Variants in NEGR1 observed in about 807,000 individuals in gnomAD.
The protein encoded by NEGR1 is neuronal growth regulator 1.
NEGR1 carries 10 observed loss-of-function variants against 40.9 expected under a neutral mutation model. That is an observed-to-expected ratio of 0.24 (90% confidence interval 0.15 to 0.42). NEGR1 has a LOEUF of 0.42. Among genes scored for constraint, NEGR1 ranks in the 10% least tolerant of loss-of-function variants. The pLI is 1.00. For synonymous variants in NEGR1, 185 were observed against 166.8 expected (o/e 1.11, Z -0.84); for missense variants, 352 against 438.9 (o/e 0.80, Z 1.77).
At chr1:71,813,661 C>T (rs1015684163) in intron 2 of NEGR1, among the ~76,000 whole-genome samples, 6 of 151,948 alleles carry the variant, frequency 3.9e-5, no homozygotes, top group Non-Finnish European at 1.5e-5. Context: ...CTCTTATTAG[C>T]TGTATTGCTA....
At chr1:71,490,710 A>G (rs2101384706) in intron 6 of NEGR1, among the ~76,000 whole-genome samples, 1 of 152,108 alleles carries the variant, frequency 6.6e-6, no homozygotes, top group South Asian at 2.1e-4. Context: ...GATGAAACGA[A>G]ACACAGAAGA....
At chr1:71,601,995 A>G (rs868652619) in intron 5 of NEGR1, among the ~76,000 whole-genome samples, 16 of 152,092 alleles carry the variant, frequency 1.1e-4, no homozygotes, top group African/African-American at 3.9e-4. Context: ...ACTGCTACAC[A>G]CAAAAAAGGG....
intron 2 of NEGR1, among the ~76,000 whole-genome samples, chr1:71,865,518 A>G (rs1220218824): frequency 1.3e-5 from 2 of 152,134 alleles, no homozygotes; most frequent in East Asian, 3.9e-4. Flanking sequence ...TCTCACTCAT[A>G]AGTGGGAGCT....
chr1:72,066,578 G>T (rs1360333081), intron 1 of NEGR1, among the ~76,000 whole-genome samples: 1 of 152,096 alleles, frequency 6.6e-6, no homozygotes, highest in East Asian at 1.9e-4. Context: ...GAGGTCATAA[G>T]CTTGGGCTGT....
intron 3 of NEGR1, among the ~76,000 whole-genome samples, chr1:71,733,590 G>C (rs112800193): frequency 3.9e-5 from 6 of 152,080 alleles, no homozygotes; most frequent in African/African-American, 1.4e-4. Context: ...TTCTACTGAA[G>C]AGCCCAAGGC....
chr1:71,593,376 T>C (rs750125559), intron 5 of NEGR1, among the ~76,000 whole-genome samples: 6 of 152,206 alleles, frequency 3.9e-5, no homozygotes, highest in Non-Finnish European at 8.8e-5. Flanking sequence ...GGCGAGAGTA[T>C]GTCTGGGTCA....
At chr1:71,502,111 ATC>A (rs1647003459) in intron 6 of NEGR1, among the ~76,000 whole-genome samples, 1 of 152,314 alleles carries the variant, frequency 6.6e-6, no homozygotes, top group South Asian at 2.1e-4. Context: ...AGCATGATAA[ATC>A]TAAGTACCGG....
chr1:71,935,266 C>A lies in NEGR1; in HGVS notation c.222G>T (p.Arg74=). 7 of 1,613,974 alleles carry A rather than the reference C, an allele frequency of 4.3e-6. No individual in the cohort carries two copies. The highest frequency in any genetic ancestry group is 5.9e-6 in the Non-Finnish European group (7 of 1,179,946). ...CACCTCCCGCAAAAATAATACTTGA[C>A]CGGTTCAGCCAGGCACCCTTTGAAG... is the stretch of plus-strand genomic sequence containing the variant. The part of the protein sequence containing the change: ...DGASKGAWLN[R]SSIIFAGGDK... The change falls in exon 2 of 7, where the codon CGG becomes CGT. Residue 74 remains arginine (R), a synonymous_variant. Transcript: ENST00000357731.
At chr1:71,443,911 T>G (rs1361549574) in intron 6 of NEGR1, among the ~76,000 whole-genome samples, 1 of 152,188 alleles carries the variant, frequency 6.6e-6, no homozygotes, top group Non-Finnish European at 1.5e-5. Context: ...AGGATAAAAG[T>G]GAGAAGTTAA....
chr1:71,985,039 G>T (rs1646383127), intron 1 of NEGR1, among the ~76,000 whole-genome samples: 1 of 152,154 alleles, frequency 6.6e-6, no homozygotes, highest in South Asian at 2.1e-4. Flanking sequence ...AATCATCCAC[G>T]ATTACCCAGC....
chr1:72,233,062 T>C (rs1028278236), intron 1 of NEGR1, among the ~76,000 whole-genome samples: 1 of 152,134 alleles, frequency 6.6e-6, no homozygotes, highest in Non-Finnish European at 1.5e-5. Context: ...GCACTTATAA[T>C]CTGACTACAT....
At chr1:71,768,460 G>C (rs1252861470) in intron 3 of NEGR1, among the ~76,000 whole-genome samples, 1 of 152,064 alleles carries the variant, frequency 6.6e-6, no homozygotes, top group Non-Finnish European at 1.5e-5. Context: ...GTTTTTGGCT[G>C]ATTTCTCCCT....
intron 6 of NEGR1, among the ~76,000 whole-genome samples, chr1:71,523,705 G>A (rs150052636): frequency 5.9e-5 from 9 of 151,964 alleles, no homozygotes; most frequent in East Asian, 1.9e-4. Context: ...CAATGAGCCT[G>A]TTTCTAATTT....
chr1:72,129,523 T>C (rs935893643), intron 1 of NEGR1, among the ~76,000 whole-genome samples: 1 of 152,100 alleles, frequency 6.6e-6, no homozygotes, highest in Non-Finnish European at 1.5e-5. Context: ...GAACAAAATA[T>C]GAAGAAAAGA....
intron 3 of NEGR1, among the ~76,000 whole-genome samples, chr1:71,744,613 A>C (rs1655324583): frequency 6.6e-6 from 1 of 152,052 alleles, no homozygotes; most frequent in Non-Finnish European, 1.5e-5. Flanking sequence ...TGATAGGCCC[A>C]GTAATGAGGA....
rs114038093 is a variant in NEGR1, at chr1:71,887,277, C to T, written c.409+47802G>A. ...GGAGGGGTTGGTCTTGCTGTCTTAGCGGTGGCACAGGTGGAAGAAAATCCA... is the reference window on the plus strand; with the variant it reads ...GGAGGGGTTGGTCTTGCTGTCTTAGTGGTGGCACAGGTGGAAGAAAATCCA... On this transcript the variant is annotated intron_variant, in intron 2 of 6. Transcript: ENST00000357731. Among the ~76,000 whole-genome samples, 691 of 152,132 alleles carry T rather than the reference C, an allele frequency of 4.5e-3. 5 individuals carry two copies. The highest frequency in any genetic ancestry group is 0.016 in the African/African-American group (669 of 41,518).
At chr1:72,158,690 C>T (rs1651448678) in intron 1 of NEGR1, among the ~76,000 whole-genome samples, 1 of 152,094 alleles carries the variant, frequency 6.6e-6, no homozygotes. Flanking sequence ...GAAAATAAAG[C>T]CCTTTTTCTA....
At chr1:71,918,246 A>C (rs1462078978) in intron 2 of NEGR1, among the ~76,000 whole-genome samples, 2 of 140,886 alleles carry the variant, frequency 1.4e-5, no homozygotes, top group Non-Finnish European at 3.1e-5. Flanking sequence ...AAAAAAAAAA[A>C]AAAAAAAAAA....
intron 4 of NEGR1, among the ~76,000 whole-genome samples, chr1:71,651,404 C>T (rs1030450871): frequency 6.6e-6 from 1 of 152,156 alleles, no homozygotes. Flanking sequence ...ATGATGATAT[C>T]CAGCACACGG....
Sources: gnomAD v4.1 joint callset for allele counts (sites outside exome capture counted in the v4.1 genomes callset) on GRCh38, gnomAD v4.1.1 for gene constraint, MANE v1.5 for transcripts, NCBI Gene and HGNC (gene_info 2026-07-23, HGNC 2026-07-21) for gene names.